EEF1B2: variants seen among roughly 807,000 people sequenced by gnomAD.
EEF1B2 encodes the protein eukaryotic translation elongation factor 1 beta 2, also known as elongation factor 1-beta.
EEF1B2 carries 12 observed loss-of-function variants against 28.3 expected under a neutral mutation model. That is an observed-to-expected ratio of 0.42 (90% CI 0.27 to 0.69). EEF1B2 has a LOEUF of 0.69. Ranked by LOEUF, EEF1B2 falls within the 30% of genes least tolerant of loss-of-function variation. The pLI, the probability that EEF1B2 is intolerant of heterozygous loss-of-function variation, is 0.22. For synonymous variants in EEF1B2, 83 were observed against 99.9 expected (o/e 0.83, Z 1.01); for missense variants, 234 against 272.6 (o/e 0.86, Z 1.00).
chr2:206,161,308 A>G, intron 2 of EEF1B2, 38 bp from the exon 3 acceptor site: 1 of 1,610,746 alleles, frequency 6.2e-7, no homozygotes, highest in Non-Finnish European at 8.5e-7. Flanking sequence ...AGGATGTTAT[A>G]CTAGCTCAAT....
chr2:206,159,874 A>C, upstream of EEF1B2: 1 of 1,336,474 alleles, frequency 7.5e-7, no homozygotes. Flanking sequence ...CTATATAAGG[A>C]ATTTTCCGGT....
At chr2:206,161,500 C>G (rs554226006) in intron 3 of EEF1B2, 28 bp downstream of exon 3, 1 of 1,611,130 alleles carries the variant, frequency 6.2e-7, no homozygotes, top group East Asian at 2.2e-5. Flanking sequence ...AAGAACATAT[C>G]GGCCAGGCGC....
intron 1 of EEF1B2, 125 bp downstream of exon 1, chr2:206,160,184 AG>A: frequency 8.0e-7 from 1 of 1,243,500 alleles, no homozygotes; most frequent in East Asian, 2.6e-5. Context: ...TTCGAGAGGG[AG>A]GGGAAAGCGC....
intron 4 of EEF1B2, 83 bp from the exon 5 acceptor site, chr2:206,162,406 A>G: frequency 6.2e-7 from 1 of 1,602,026 alleles, no homozygotes; most frequent in Non-Finnish European, 8.5e-7. Context: ...CTCAAAACAA[A>G]TTGAGATGGA....
chr2:206,161,767 C>T (rs3755228), intron 3 of EEF1B2: 105,056 of 409,856 alleles, frequency 0.26, 4,413 homozygotes, highest in African/African-American at 0.45. Flanking sequence ...AGACTCCGTC[C>T]CAAAAAAAAA....
At position 206,161,408 on chromosome 2, in the gene EEF1B2, G is replaced by A; in HGVS notation, c.266G>A (p.Gly89Glu). 1 of 1,614,134 alleles carries A rather than the reference G, an allele frequency of 6.2e-7. No individual in the cohort carries two copies. Among genetic ancestry groups the A allele is most frequent in the Non-Finnish European group, 8.5e-7 (1 of 1,179,988 alleles). ...YGPADVEDTT[G>E]SGATDSKDDD... ...CCTGCCGATGTGGAAGACACTACAG[G>A]AAGTGGAGCTACAGATAGTAAAGAT... The change falls in exon 3 of 6, where the codon GGA (glycine) becomes GAA (glutamate). Residue 89 changes from glycine (G) to glutamate (E), a missense_variant. Coordinates refer to ENST00000392222, the MANE Select transcript of EEF1B2 (RefSeq NM_001959.4).
Position 206,160,611 on chromosome 2 carries a change from T to G in EEF1B2, c.104T>G (p.Val35Gly). The G allele has an allele frequency of 6.2e-7, 1 of 1,614,090 alleles. No homozygotes were observed. The highest frequency in any genetic ancestry group is 2.2e-5 in the East Asian group (1 of 44,860). Residue 35 changes from valine (V) to glycine (G), a missense_variant, in exon 2 of 6, where the codon GTG (valine) becomes GGG (glycine). Transcript: ENST00000392222. ...AGGTATGTGCCATCACAAGCAGATG[T>G]GGCAGTATTTGAAGCCGTGTCCAGC... is the stretch of plus-strand genomic sequence containing the variant. ...IEGYVPSQAD[V>G]AVFEAVSSPP...
rs895427848 is a variant in EEF1B2, at chr2:206,159,924, C to A, written c.-56C>A. 2 of 1,590,156 alleles carry A rather than the reference C, an allele frequency of 1.3e-6. No homozygotes were observed. Among genetic ancestry groups the A allele is most frequent in the Non-Finnish European group, 8.6e-7 (1 of 1,169,390 alleles). On this transcript the variant is annotated 5_prime_UTR_variant, in exon 1 of 6. Coordinates refer to ENST00000392222, the MANE Select transcript of EEF1B2 (RefSeq NM_001959.4). ...TTTCCTCTCTTCAGCGTGGGGCGCC[C>A]ACAATTTGCGCGCTCTCTTTCTGCT... is the stretch of plus-strand genomic sequence containing the variant.
At chr2:206,160,161 G>GA (rs1687866662) in intron 1 of EEF1B2, 102 bp downstream of exon 1, 1 of 1,292,890 alleles carries the variant, frequency 7.7e-7, no homozygotes, top group Non-Finnish European at 1.0e-6. Flanking sequence ...AGGGAGGCCG[G>GA]GCCCGGGGCC....
rs1333231724 is a variant in EEF1B2, at chr2:206,162,206, A to G, written c.397+102A>G. On this transcript the variant is annotated intron_variant, in intron 4 of 5. Transcript: ENST00000392222. ...CTCCACATTCCTTGAATAGGTCAAT[A>G]TTTTAAAACCTGTACAGGTTCTTCC... The G allele has an allele frequency of 2.4e-6, 3 of 1,263,212 alleles. 1 individual carries two copies. The highest frequency in any genetic ancestry group is 1.2e-6 in the Non-Finnish European group (1 of 861,782). 78.3% of individuals were successfully genotyped at this position (1,263,212 alleles called of 1,614,324 possible).
chr2:206,161,952 A>G (rs1464931936), intron 3 of EEF1B2, 86 bp from the exon 4 acceptor site: 1 of 1,153,288 alleles, frequency 8.7e-7, no homozygotes, highest in Non-Finnish European at 1.3e-6. Flanking sequence ...TTTCTGATTA[A>G]GCCAGTCTTT....
At chr2:206,161,248 A>G (rs1390526749) in intron 2 of EEF1B2, 98 bp from the exon 3 acceptor site, 1 of 1,530,602 alleles carries the variant, frequency 6.5e-7, no homozygotes, top group Non-Finnish European at 8.8e-7. Flanking sequence ...TGCAAAAGGG[A>G]TCTAGTGATA....
Position 206,159,988 on chromosome 2 carries a change from C to T in EEF1B2, c.9C>T (p.Phe3=), listed in dbSNP as rs1014902539. Residue 3 remains phenylalanine (F), a synonymous_variant, in exon 1 of 6, where the codon TTC becomes TTT. Transcript: ENST00000392222. ...CGGATACAGCCGACACCATGGGTTT[C>T]GGAGACCTGAAAAGCCCTGCCGGCC... MG[F]GDLKSPAGLQ... 1.1e-5 allele frequency: 18 copies of T among 1,612,774 alleles called. No homozygotes were observed. The highest frequency in any genetic ancestry group is 1.4e-5 in the Non-Finnish European group (17 of 1,179,720).
intron 5 of EEF1B2, 50 bp downstream of exon 5, chr2:206,162,664 G>A: frequency 6.4e-7 from 1 of 1,571,490 alleles, no homozygotes; most frequent in South Asian, 1.1e-5. Flanking sequence ...TCTGGAATTT[G>A]CCTACAGTTT....
At chr2:206,161,019 A>C in intron 2 of EEF1B2, 1 of 637,042 alleles carries the variant, frequency 1.6e-6, no homozygotes, top group Non-Finnish European at 2.9e-6. Context: ...TTCTTCTGAA[A>C]CTGCCAACAA....
At chr2:206,160,537 C>T (rs1285951196) in intron 1 of EEF1B2, 51 bp from the exon 2 acceptor site, 2 of 1,612,818 alleles carry the variant, frequency 1.2e-6, no homozygotes, top group East Asian at 2.2e-5. Context: ...TATTTATTCG[C>T]TGGCGTTTGT....
Position 206,162,047 on chromosome 2 carries a change from G to A in EEF1B2, c.340G>A (p.Glu114Lys), listed in dbSNP as rs1039045953. ...TTTTTTTTCTTTACAGGAAAGTGAA[G>A]AAGCAAAGAGGCTAAGGGAAGAACG... ...FGSDDEEESE[E>K]AKRLREERLA... Residue 114 changes from glutamate to lysine, a missense_variant, in exon 4 of 6, where the codon GAA (glutamate) becomes AAA (lysine). Transcript: ENST00000392222. 1 of 1,614,016 alleles carries A rather than the reference G, an allele frequency of 6.2e-7. No homozygotes were observed.
intron 5 of EEF1B2, 53 bp from the exon 6 acceptor site, chr2:206,162,676 A>G: frequency 6.4e-7 from 1 of 1,562,606 alleles, no homozygotes; most frequent in Non-Finnish European, 8.6e-7. Context: ...CTACAGTTTC[A>G]ACCTTTCCTA....
At chr2:206,160,203 C>T (rs895383603) in intron 1 of EEF1B2, 144 bp downstream of exon 1, 1 of 1,127,884 alleles carries the variant, frequency 8.9e-7, no homozygotes, top group Non-Finnish European at 1.2e-6. Flanking sequence ...CGCCCCGTTG[C>T]CGTCTCCCAA....
Sources: allele counts gnomAD v4.1 joint callset, GRCh38; gene constraint gnomAD v4.1.1; transcripts MANE v1.5; gene names NCBI Gene and HGNC (gene_info 2026-07-23, HGNC 2026-07-21).